The following MCCC2 variants were observed in gnomAD, a reference collection of about 807,000 sequenced individuals.
The protein encoded by MCCC2 is methylcrotonoyl-CoA carboxylase beta chain, mitochondrial.
A neutral mutation model predicts 77.2 loss-of-function variants in MCCC2; 52 were observed. That is an observed-to-expected ratio of 0.67 (90% CI 0.54 to 0.85). MCCC2 has a LOEUF of 0.85. Among genes scored for constraint, MCCC2 ranks in the 40% least tolerant of loss-of-function variants. MCCC2 has a pLI of 0.00. For synonymous variants in MCCC2, 253 were observed against 248.4 expected (o/e 1.02, Z -0.18); for missense variants, 682 against 703.2 (o/e 0.97, Z 0.34).
At chr5:71,612,777 T>A (rs1215366443) in intron 6 of MCCC2, among the ~76,000 whole-genome samples, 1 of 152,250 alleles carries the variant, frequency 6.6e-6, no homozygotes, top group Non-Finnish European at 1.5e-5. Context: ...GATGAATGTC[T>A]TGGTATGTTG....
At chr5:71,636,113 A>G (rs1169504479) in intron 10 of MCCC2, 3 of 417,602 alleles carry the variant, frequency 7.2e-6, no homozygotes, top group Non-Finnish European at 1.4e-5. Context: ...GAAATTCTTC[A>G]TGAAATATTT....
intron 8 of MCCC2, among the ~76,000 whole-genome samples, chr5:71,633,893 TATTAA>T (rs1746827967): frequency 6.6e-6 from 1 of 152,200 alleles, no homozygotes; most frequent in Admixed American, 6.5e-5. Flanking sequence ...TAAAATGTTG[TATTAA>T]ATTAAAGAAA....
chr5:71,613,157 T>G (rs1746028257), intron 6 of MCCC2, among the ~76,000 whole-genome samples: 1 of 152,260 alleles, frequency 6.6e-6, no homozygotes, highest in Non-Finnish European at 1.5e-5. Flanking sequence ...GATTCTTAAT[T>G]ATATCTGCAA....
intron 11 of MCCC2, chr5:71,641,469 TATTGTGTTTAG>T (rs1331213243): frequency 3.8e-6 from 1 of 264,704 alleles, no homozygotes; most frequent in East Asian, 1.1e-4. Context: ...GGAAGTTTTA[TATTGTGTTTAG>T]CTTCCCAGAA....
intron 13 of MCCC2, among the ~76,000 whole-genome samples, chr5:71,648,148 G>C (rs1053701051): frequency 6.6e-6 from 1 of 152,244 alleles, no homozygotes; most frequent in Non-Finnish European, 1.5e-5. Flanking sequence ...GAAGGCACAC[G>C]TGCTCTGGAG....
intron 7 of MCCC2, among the ~76,000 whole-genome samples, chr5:71,629,555 T>C (rs1233012094): frequency 6.6e-6 from 1 of 152,242 alleles, no homozygotes; most frequent in African/African-American, 2.4e-5. Flanking sequence ...GGTTATGGAA[T>C]ACTAATACAA....
intron 6 of MCCC2, among the ~76,000 whole-genome samples, chr5:71,614,480 C>T (rs1210930448): frequency 1.6e-5 from 2 of 125,166 alleles, no homozygotes; most frequent in Non-Finnish European, 3.6e-5. Context: ...ATCTCTCTCT[C>T]TCTCTTTTTT....
chr5:71,625,137 C>T (rs1156912369), intron 6 of MCCC2, among the ~76,000 whole-genome samples: 1 of 152,182 alleles, frequency 6.6e-6, no homozygotes. Context: ...CTCTGCCATG[C>T]CTGCTTAGTT....
chr5:71,605,672 G>A (rs1745641905), intron 6 of MCCC2, among the ~76,000 whole-genome samples: 1 of 151,658 alleles, frequency 6.6e-6, no homozygotes. Context: ...GTCCTGAATG[G>A]TAATGCCTAG....
At chr5:71,610,762 G>C (rs1357077353) in intron 6 of MCCC2, among the ~76,000 whole-genome samples, 1 of 152,104 alleles carries the variant, frequency 6.6e-6, no homozygotes, top group Non-Finnish European at 1.5e-5. Context: ...CGAGGTGGGG[G>C]GATCACGAGG....
chr5:71,658,668 C>G lies in MCCC2; in HGVS notation c.*1808C>G, dbSNP rs1459696941. On this transcript the variant is annotated 3_prime_UTR_variant, in exon 17 of 17. Transcript: ENST00000340941. ...TGATTGATTATATGACCGAATAGAA[C>G]TATCAAATGTTTTCCTAATAAAGTC... The G allele has an allele frequency of 6.6e-6, 1 of 152,124 alleles. No individual in the cohort carries two copies. The highest frequency in any genetic ancestry group is 1.5e-5 in the Non-Finnish European group (1 of 68,028). 9.4% of individuals were successfully genotyped at this position (152,124 alleles called of 1,614,324 possible). A position where few individuals can be genotyped will look rare whatever the true frequency, so the allele number is the denominator to read the frequency against.
At chr5:71,625,945 C>G (rs939296160) in intron 6 of MCCC2, among the ~76,000 whole-genome samples, 1 of 152,070 alleles carries the variant, frequency 6.6e-6, no homozygotes, top group Non-Finnish European at 1.5e-5. Context: ...TTGGTGGTAT[C>G]GTTCAATCCT....
intron 1 of MCCC2, among the ~76,000 whole-genome samples, chr5:71,589,181 G>C (rs1213623017): frequency 1.3e-5 from 2 of 152,158 alleles, no homozygotes; most frequent in African/African-American, 4.8e-5. Context: ...GATGACTTTG[G>C]AGTTTCCAAC....
rs191072384 is a variant in MCCC2 at position 71,658,037 on chromosome 5, A to G, written c.*1177A>G. Reference sequence around the variant, plus strand: ...CCTTAGAAGAGGTCTACCTGCCTCCAGTCTTACCTAGTCCAGTCTACCCCC... The same window carrying G: ...CCTTAGAAGAGGTCTACCTGCCTCCGGTCTTACCTAGTCCAGTCTACCCCC... On this transcript the variant is annotated 3_prime_UTR_variant, in exon 17 of 17. Coordinates refer to ENST00000340941, the MANE Select transcript of MCCC2 (RefSeq NM_022132.5). 3 of 152,272 alleles carry G rather than the reference A, an allele frequency of 2.0e-5. No individual in the cohort carries two copies. The highest frequency in any genetic ancestry group is 7.2e-5 in the African/African-American group (3 of 41,546). The allele number at this position is 152,272 out of a possible 1,614,324, so 9.4% of individuals were successfully genotyped here. A position where few individuals can be genotyped will look rare whatever the true frequency, so the allele number is the denominator to read the frequency against.
chr5:71,610,854 C>CCT (rs1291769686), intron 6 of MCCC2, among the ~76,000 whole-genome samples: 34 of 152,232 alleles, frequency 2.2e-4, no homozygotes, highest in Non-Finnish European at 4.7e-4. Context: ...GGCGTGGTGG[C>CCT]ACATGCCTGT....
chr5:71,653,598 C>T (rs1747498773), intron 16 of MCCC2, among the ~76,000 whole-genome samples: 1 of 151,976 alleles, frequency 6.6e-6, no homozygotes, highest in African/African-American at 2.4e-5. Flanking sequence ...ACTTATAATC[C>T]CAGCATTTTG....
chr5:71,625,844 A>G (rs968427840), intron 6 of MCCC2, among the ~76,000 whole-genome samples: 8 of 152,214 alleles, frequency 5.3e-5, no homozygotes, highest in East Asian at 1.9e-4. Context: ...TTGCATGCCT[A>G]TAAGGAAAAC....
At chr5:71,613,265 A>C (rs180867985) in intron 6 of MCCC2, among the ~76,000 whole-genome samples, 1 of 152,340 alleles carries the variant, frequency 6.6e-6, no homozygotes, top group East Asian at 1.9e-4. Context: ...CTATTTAAGC[A>C]CTATAGCCCT....
intron 6 of MCCC2, among the ~76,000 whole-genome samples, chr5:71,618,842 G>A (rs893878619): frequency 6.6e-6 from 1 of 152,034 alleles, no homozygotes; most frequent in East Asian, 1.9e-4. Flanking sequence ...TTTTCTTTAG[G>A]TCTCACATTA....
Sources: gnomAD v4.1 joint callset for allele counts (sites outside exome capture counted in the v4.1 genomes callset) on GRCh38, gnomAD v4.1.1 for gene constraint, MANE v1.5 for transcripts, NCBI Gene and HGNC (gene_info 2026-07-23, HGNC 2026-07-21) for gene names.